Variants in PPIG observed in about 807,000 individuals in gnomAD.
The protein encoded by PPIG is peptidylprolyl isomerase G.
Under a neutral mutation model 87.9 loss-of-function variants are expected in PPIG, and 26 were observed. The ratio of observed to expected loss-of-function variants is 0.30; its 90% CI spans 0.22 to 0.41. The LOEUF is 0.41. PPIG is among the 10% of genes least tolerant of loss of function. PPIG has a pLI of 1.00. For synonymous variants in PPIG, 308 were observed against 276.5 expected, an observed-to-expected ratio of 1.11 and a Z score of -1.13; for missense variants, 722 against 879.4, an observed-to-expected ratio of 0.82 and a Z score of 2.26.
rs1225648701 is a variant in PPIG, at chr2:169,606,076, A to G, written c.174A>G (p.Leu58=). Residue 58 remains leucine, a synonymous_variant, in exon 5 of 14, where the codon TTA becomes TTG. Coordinates refer to ENST00000260970, the MANE Select transcript of PPIG (RefSeq NM_004792.3). ...KGTGKSTQKP[L]HYKSCLFHRV... ...CCGGGAAATCAACTCAGAAACCATT[A>G]CATTATAAGAGTTGTCTCTTTCACA... 3 of 1,613,252 alleles carry G rather than the reference A, an allele frequency of 1.9e-6. No homozygotes were observed. The highest frequency in any genetic ancestry group is 1.1e-5 in the South Asian group (1 of 91,072).
chr2:169,606,807 CTT>C lies in PPIG; in HGVS notation c.245-295_245-294del, dbSNP rs1246785992. Among the ~76,000 whole-genome samples the C allele has an allele frequency of 3.9e-5, 6 of 152,032 alleles. No homozygotes were observed. The South Asian group carries it at 6.2e-4, about 16-fold the overall frequency. On this transcript the variant is annotated intron_variant, in intron 5 of 13. Coordinates refer to ENST00000260970, the MANE Select transcript of PPIG (RefSeq NM_004792.3). ...ATATCAAAACTATAGTTTTAAAAAA[CTT>C]TGAAAAAATGTTAACCTGTTGCAAG...
intron 1 of PPIG, among the ~76,000 whole-genome samples, chr2:169,589,834 TGCAGTG>T (rs1342804984): frequency 6.6e-6 from 1 of 152,102 alleles, no homozygotes; most frequent in Non-Finnish European, 1.5e-5. Flanking sequence ...GCAGTCCGGG[TGCAGTG>T]GCCCCATGCC....
chr2:169,594,636 T>C (rs1381625415), intron 1 of PPIG, among the ~76,000 whole-genome samples: 6 of 147,314 alleles, frequency 4.1e-5, no homozygotes, highest in African/African-American at 5.0e-5. Context: ...TTTTTTTTTT[T>C]TTTTTTTTTT....
At chr2:169,589,266 A>G (rs184680248) in intron 1 of PPIG, among the ~76,000 whole-genome samples, 7 of 152,338 alleles carry the variant, frequency 4.6e-5, no homozygotes, top group African/African-American at 1.7e-4. Context: ...TGTGTCCATC[A>G]GAAACATCAG....
chr2:169,637,324 T>C lies in PPIG; in HGVS notation c.2066T>C (p.Phe689Ser), dbSNP rs200850016. Residue 689 changes from phenylalanine to serine, a missense_variant, in exon 14 of 14, where the codon TTC becomes TCC. Phe to Ser is a radical substitution (Grantham distance 155, BLOSUM62 -2). Transcript: ENST00000260970. ...AAGGCTGATAGAGATCAAAGTCCCT[T>C]CTCAAAAATAAAACAAAGCAGTCAG... ...EKKADRDQSP[F>S]SKIKQSSQDN... is the part of the protein sequence containing the mutation. 492 of 1,605,268 alleles carry C rather than the reference T, an allele frequency of 3.1e-4. No homozygotes were observed. Among genetic ancestry groups the C allele is most frequent in the Non-Finnish European group, 3.8e-4 (450 of 1,178,126 alleles).
At chr2:169,612,281 T>C (rs1685510047) in intron 7 of PPIG, among the ~76,000 whole-genome samples, 1 of 152,232 alleles carries the variant, frequency 6.6e-6, no homozygotes, top group African/African-American at 2.4e-5. Context: ...ATATTTTATT[T>C]AAGTGGAATT....
chr2:169,607,372 A>T (rs952801878), intron 6 of PPIG, among the ~76,000 whole-genome samples: 16 of 152,176 alleles, frequency 1.1e-4, no homozygotes, highest in Non-Finnish European at 2.2e-4. Context: ...GGTTTCAATG[A>T]TCTGTACTTA....
intron 12 of PPIG, chr2:169,633,669 T>C (rs1686114619): frequency 5.1e-6 from 1 of 195,108 alleles, no homozygotes; most frequent in African/African-American, 2.3e-5. Flanking sequence ...GTCTTATGTC[T>C]TCACTTCCTA....
Position 169,604,116 on chromosome 2 carries a change from T to C in PPIG, c.61+14T>C, listed in dbSNP as rs768443658. On this transcript the variant is annotated intron_variant, in intron 3 of 13. Coordinates refer to ENST00000260970, the MANE Select transcript of PPIG (RefSeq NM_004792.3). ...ACAATCAACCTGGTAAGAATATTAG[T>C]TGACATTTATAAATGGGTGTTTAAT... 76 of 1,611,122 alleles carry C rather than the reference T, an allele frequency of 4.7e-5. No individual in the cohort carries two copies. The highest frequency in any genetic ancestry group is 6.3e-5 in the Non-Finnish European group (74 of 1,177,502).
At position 169,590,026 on chromosome 2, in the gene PPIG, T is replaced by C. The variant is rs987388648; in HGVS notation, c.-70+5536T>C. ...CGGGAGGCTGAGGCAGGAGAATCTC[T>C]TGAACCTGGGAGGCAGAAGTTGTGG... On this transcript the variant is annotated intron_variant, in intron 1 of 13. Coordinates refer to ENST00000260970, the MANE Select transcript of PPIG (RefSeq NM_004792.3). Among the ~76,000 whole-genome samples the C allele has an allele frequency of 3.6e-4, 54 of 151,424 alleles. 1 individual carries two copies. Among genetic ancestry groups the C allele is most frequent in the Admixed American group, 2.0e-4 (3 of 15,180 alleles).
Position 169,585,820 on chromosome 2 carries a change from TA to T in PPIG, c.-70+1331del, listed in dbSNP as rs1684687796. Among the ~76,000 whole-genome samples, 4 of 152,250 alleles carry T rather than the reference TA, an allele frequency of 2.6e-5. No homozygotes were observed. The South Asian group carries it at 8.3e-4, about 32-fold the overall frequency. ...AGGGGGGCCTGATATTAACTTTCAG[TA>T]GTTAAAACCAGGAAAAAAGAGTGAG... On this transcript the variant is annotated intron_variant, in intron 1 of 13. Coordinates refer to ENST00000260970, the MANE Select transcript of PPIG (RefSeq NM_004792.3).
rs1482337335 is a variant in PPIG, at chr2:169,640,530, G to T, written c.*3007G>T. ...TTATACTAAATTTCTGTAGAAGCTT[G>T]TTGGGTTTGCCTTCACCAGAAGGTA... On this transcript the variant is annotated 3_prime_UTR_variant, in exon 14 of 14. Transcript: ENST00000260970. 1 of 152,124 alleles carries T rather than the reference G, an allele frequency of 6.6e-6. No individual in the cohort carries two copies. Among genetic ancestry groups the T allele is most frequent in the African/African-American group, 2.4e-5 (1 of 41,430 alleles). The allele number at this position is 152,124 out of a possible 1,614,324, so 9.4% of individuals were successfully genotyped here.
rs1162094712 is a variant in PPIG at position 169,637,342 on chromosome 2, GCAGT to G, written c.2088_2091del (p.Ser696ArgfsTer5). The stretch of plus-strand genomic sequence containing the variant: ...AGTCCCTTCTCAAAAATAAAACAAA[GCAGT>G]CAGGACAATGAATTAAAGTCCTCCA... On this transcript the variant is annotated frameshift_variant, in exon 14 of 14. Transcript: ENST00000260970. LOFTEE classifies it high-confidence loss of function. 1.2e-6 allele frequency: 2 copies of G among 1,606,862 alleles called. No homozygotes were observed. The highest frequency in any genetic ancestry group is 1.7e-5 in the Admixed American group (1 of 58,478).
chr2:169,589,760 G>C (rs1262197861), intron 1 of PPIG, among the ~76,000 whole-genome samples: 1 of 152,114 alleles, frequency 6.6e-6, no homozygotes, highest in Non-Finnish European at 1.5e-5. Context: ...ATTACTGGTG[G>C]TAGGTTCTGG....
In PPIG at chr2:169,636,570, A is replaced by C. The variant is rs373647828; in HGVS notation, c.1312A>C (p.Ile438Leu). 6.3e-7 allele frequency: 1 copy of C among 1,598,634 alleles called. No homozygotes were observed. The highest frequency in any genetic ancestry group is 8.5e-7 in the Non-Finnish European group (1 of 1,176,374). Residue 438 changes from isoleucine to leucine, a missense_variant, in exon 14 of 14, where the codon ATC (isoleucine) becomes CTC (leucine). This residue lies in a region of PPIG where 476 missense variants were observed against 483.1 expected (regional missense o/e 0.99). Coordinates refer to ENST00000260970, the MANE Select transcript of PPIG (RefSeq NM_004792.3). Reference sequence around the variant, plus strand: ...TAAATCTAACAGCAAAGAGAGAGACATCAGAAGAAATTCAGAAAAAGATGA... The same window carrying C: ...TAAATCTAACAGCAAAGAGAGAGACCTCAGAAGAAATTCAGAAAAAGATGA... ...DHKSNSKERD[I>L]RRNSEKDDKY...
intron 9 of PPIG, among the ~76,000 whole-genome samples, chr2:169,623,678 T>A (rs955995356): frequency 6.6e-6 from 1 of 152,206 alleles, no homozygotes; most frequent in African/African-American, 2.4e-5. Flanking sequence ...TTCAGTGTCC[T>A]TATTCTGAAA....
Position 169,636,739 on chromosome 2 carries a change from A to G in PPIG, c.1481A>G (p.His494Arg). 6.2e-7 allele frequency: 1 copy of G among 1,612,448 alleles called. No homozygotes were observed. The highest frequency in any genetic ancestry group is 8.5e-7 in the Non-Finnish European group (1 of 1,179,724). ...RMRSRSKGRD[H>R]ENVKEKEKQS... ...AGGTCAAGGAGTAAAGGAAGGGATC[A>G]TGAAAATGTTAAAGAAAAAGAAAAG... Residue 494 changes from histidine to arginine, a missense_variant, in exon 14 of 14, where the codon CAT becomes CGT. By Grantham distance (29) the His-to-Arg change is conservative. Transcript: ENST00000260970.
At chr2:169,592,180 T>G (rs996798348) in intron 1 of PPIG, among the ~76,000 whole-genome samples, 11 of 151,540 alleles carry the variant, frequency 7.3e-5, no homozygotes, top group African/African-American at 2.7e-4. Context: ...AGGGCTTAAT[T>G]TTCCCCTGAA....
Position 169,630,779 on chromosome 2 carries a change from AAAG to A in PPIG, c.559_561del (p.Glu187del). 1 of 1,590,624 alleles carries A rather than the reference AAAG, an allele frequency of 6.3e-7. No homozygotes were observed. Among genetic ancestry groups the A allele is most frequent in the Middle Eastern group, 1.7e-4 (1 of 6,006 alleles). ...CCTTTTTGTTTTTATTAAAGTTAAG[AAAG>A]AAGAAAAGAAAAGGCATAAATCATC... On this transcript the variant is annotated inframe_deletion, in exon 10 of 14. Transcript: ENST00000260970.
Sources: allele counts gnomAD v4.1 joint callset (sites outside exome capture counted in the v4.1 genomes callset), GRCh38; gene constraint gnomAD v4.1.1; regional missense constraint gnomAD v4.1.1; transcripts MANE v1.5; gene names NCBI Gene and HGNC (gene_info 2026-07-23, HGNC 2026-07-21).